TMEM245: variants seen among roughly 807,000 people sequenced by gnomAD.
TMEM245 encodes transmembrane protein 245.
Under a neutral mutation model 101.2 loss-of-function variants are expected in TMEM245, and 69 were observed. The ratio of observed to expected loss-of-function variants is 0.68; its 90% CI spans 0.56 to 0.83. The LOEUF is 0.83. Among genes scored for constraint, TMEM245 ranks in the 40% least tolerant of loss-of-function variants. The pLI is 0.00. For synonymous variants in TMEM245, 537 were observed against 449.8 expected, an observed-to-expected ratio of 1.19 and a Z score of -2.45; for missense variants, 1,075 against 1,092.8, an observed-to-expected ratio of 0.98 and a Z score of 0.23.
Position 109,108,497 on chromosome 9 carries a change from C to G in TMEM245, c.653G>C (p.Arg218Thr). 6.2e-7 allele frequency: 1 copy of G among 1,605,222 alleles called. No homozygotes were observed. The highest frequency in any genetic ancestry group is 1.1e-5 in the South Asian group (1 of 89,544). Residue 218 changes from arginine (R) to threonine (T), a missense_variant, in exon 2 of 18, where the codon AGA becomes ACA. Arg to Thr is a moderately conservative substitution (Grantham distance 71). Around this residue, in one of 2 missense-constraint regions of TMEM245, gnomAD observed 808 missense variants for 741.5 expected, o/e 1.09. Transcript: ENST00000374586. ...AATCCAGACAGGAATTGAAACTGCT[C>G]TCAAGTAGCGTTCAGTGCTTGCATT... ...KWNASTERYL[R>T]AVSIPVWIIL...
intron 14 of TMEM245, among the ~76,000 whole-genome samples, chr9:109,040,813 C>T (rs1354526905): frequency 6.6e-6 from 1 of 152,088 alleles, no homozygotes; most frequent in African/African-American, 2.4e-5. Flanking sequence ...TTATGTAGAT[C>T]TACTACAACT....
At chr9:109,097,084 C>T (rs1338683394) in intron 3 of TMEM245, among the ~76,000 whole-genome samples, 2 of 152,188 alleles carry the variant, frequency 1.3e-5, no homozygotes, top group African/African-American at 4.8e-5. Context: ...GCAGGGAGGT[C>T]TGGGAAGGGT....
At chr9:109,113,789 T>A (rs1240824148) in intron 1 of TMEM245, among the ~76,000 whole-genome samples, 1 of 152,196 alleles carries the variant, frequency 6.6e-6, no homozygotes, top group Non-Finnish European at 1.5e-5. Context: ...AAGCTTTTTT[T>A]AGAGAGAATA....
At chr9:109,081,541 G>T (rs1290821587) in intron 7 of TMEM245, among the ~76,000 whole-genome samples, 1 of 152,130 alleles carries the variant, frequency 6.6e-6, no homozygotes, top group Non-Finnish European at 1.5e-5. Flanking sequence ...TGCCCAAGGA[G>T]CGAGGGGTTG....
chr9:109,022,570 G>A (rs201751902), intron 17 of TMEM245, among the ~76,000 whole-genome samples: 6 of 151,328 alleles, frequency 4.0e-5, no homozygotes, highest in East Asian at 3.9e-4. Context: ...CAGCATCCCC[G>A]GCCTCTATTC....
intron 17 of TMEM245, among the ~76,000 whole-genome samples, chr9:109,023,425 A>G (rs1827693983): frequency 6.6e-6 from 1 of 152,242 alleles, no homozygotes; most frequent in Non-Finnish European, 1.5e-5. Context: ...CTGTATTGAC[A>G]CTATTTTCTG....
At chr9:109,068,056 A>T (rs1018582570) in intron 9 of TMEM245, among the ~76,000 whole-genome samples, 4 of 152,082 alleles carry the variant, frequency 2.6e-5, no homozygotes, top group African/African-American at 9.7e-5. Flanking sequence ...TGAATCACCA[A>T]AGTCTAAGCA....
At chr9:109,096,924 T>A (rs913653549) in intron 3 of TMEM245, among the ~76,000 whole-genome samples, 5 of 152,366 alleles carry the variant, frequency 3.3e-5, no homozygotes, top group African/African-American at 1.2e-4. Flanking sequence ...CATTTCTAAA[T>A]GCCTACTAAG....
chr9:109,025,897 GAGA>G (rs1225762171), intron 17 of TMEM245, among the ~76,000 whole-genome samples: 3 of 152,228 alleles, frequency 2.0e-5, no homozygotes, highest in Admixed American at 2.0e-4. Context: ...GTGAGCAGCA[GAGA>G]AGGTCTTCCT....
Position 109,087,207 on chromosome 9 carries a change from C to A in TMEM245, c.1286G>T (p.Gly429Val), listed in dbSNP as rs1829864797. The A allele has an allele frequency of 6.2e-7, 1 of 1,611,414 alleles. No individual in the cohort carries two copies. Among genetic ancestry groups the A allele is most frequent in the Admixed American group, 1.7e-5 (1 of 59,256 alleles). ...AACTTTTAACAAGAATTTTCCAAGCCCGACAATGGGCCAAGGCGCGAGAGC... is the reference window on the plus strand; with the variant it reads ...AACTTTTAACAAGAATTTTCCAAGCACGACAATGGGCCAAGGCGCGAGAGC... ...QGALAPWPIV[G>V]LGKFLLKVDS... Residue 429 changes from glycine (G) to valine (V), a missense_variant, in exon 6 of 18, where the codon GGG (glycine) becomes GTG (valine). Transcript: ENST00000374586.
chr9:109,071,524 A>C (rs1420835885), intron 9 of TMEM245, among the ~76,000 whole-genome samples: 1 of 151,772 alleles, frequency 6.6e-6, no homozygotes, highest in Non-Finnish European at 1.5e-5. Context: ...GGAATGATTG[A>C]GCCCAGGAGA....
At position 109,119,884 on chromosome 9, in the gene TMEM245, C is replaced by A. The variant is rs750339590; in HGVS notation, c.30G>T (p.Ala10=). The A allele has an allele frequency of 1.5e-6, 2 of 1,300,670 alleles. No homozygotes were observed. Among genetic ancestry groups the A allele is most frequent in the African/African-American group, 1.5e-5 (1 of 64,558 alleles). The allele number at this position is 1,300,670 out of a possible 1,614,324, so 80.6% of individuals were successfully genotyped here. A position where few individuals can be genotyped will look rare whatever the true frequency, so the allele number is the denominator to read the frequency against. The change falls in exon 1 of 18, where the codon GCG becomes GCT. Residue 10 remains alanine (A), a synonymous_variant. Transcript: ENST00000374586. MADGGGPKD[A]PSLRSSPGPA... The stretch of plus-strand genomic sequence containing the variant: ...GCCCGGGAGAGCTCCGCAGGCTTGG[C>A]GCGTCCTTAGGGCCGCCGCCGTCGG...
In TMEM245 at chr9:109,115,043, G is replaced by C. The variant is rs1231493344; in HGVS notation, c.579+4292C>G. 3.9e-5 allele frequency among the ~76,000 whole-genome samples: 6 copies of C among 152,110 alleles called. No homozygotes were observed. The South Asian group carries it at 1.2e-3, about 32-fold the overall frequency. ...AACTGAACTGGAAAGAAAAACTAGT[G>C]ACGAAGAAAAACATAGGTCCAGGCC... On this transcript the variant is annotated intron_variant, in intron 1 of 17. Transcript: ENST00000374586.
intron 8 of TMEM245, 111 bp from the exon 9 acceptor site, chr9:109,073,549 C>A: frequency 1.3e-6 from 1 of 751,762 alleles, no homozygotes; most frequent in African/African-American, 1.7e-5. Context: ...AATAAATACA[C>A]ATCTTTGCTT....
At chr9:109,021,502 TGTTTG>T (rs1564164674) in intron 17 of TMEM245, among the ~76,000 whole-genome samples, 11 of 151,980 alleles carry the variant, frequency 7.2e-5, no homozygotes, top group Non-Finnish European at 1.3e-4. Flanking sequence ...GTTTTTTGTT[TGTTTG>T]TTTGTTTTGT....
intron 17 of TMEM245, among the ~76,000 whole-genome samples, chr9:109,032,365 C>CTTTT (rs755399182): frequency 0.018 from 721 of 40,956 alleles, 254 homozygotes; most frequent in East Asian, 0.035. Flanking sequence ...ATTTCTTTTC[C>CTTTT]TTTTTTTTTT....
In TMEM245 at chr9:109,019,741, A is replaced by G. The variant is rs987128958; in HGVS notation, c.*719T>C. ...ATTTTATCATACTGTTACCATTCAT[A>G]GCAGCTTAATAAGTATTTCACTTCA... On this transcript the variant is annotated 3_prime_UTR_variant, in exon 18 of 18. Transcript: ENST00000374586. 2.0e-5 allele frequency: 3 copies of G among 152,628 alleles called. No individual in the cohort carries two copies. Among genetic ancestry groups the G allele is most frequent in the African/African-American group, 7.2e-5 (3 of 41,448 alleles). The allele number at this position is 152,628 out of a possible 1,614,324, so 9.5% of individuals were successfully genotyped here.
intron 4 of TMEM245, 97 bp downstream of exon 4, chr9:109,093,378 G>T (rs940752394): frequency 2.1e-6 from 2 of 951,214 alleles, no homozygotes; most frequent in East Asian, 2.4e-5. Flanking sequence ...ATCAGCAGGA[G>T]TAAGTAGCAT....
At chr9:109,038,435 A>G in intron 14 of TMEM245, 1 of 189,752 alleles carries the variant, frequency 5.3e-6, no homozygotes, top group African/African-American at 2.3e-5. Context: ...TTCACTCTGA[A>G]GCAGATATTT....
Sources: gnomAD v4.1 joint callset for allele counts (sites outside exome capture counted in the v4.1 genomes callset) on GRCh38, gnomAD v4.1.1 for gene constraint, gnomAD v4.1.1 regional missense constraint, MANE v1.5 for transcripts, NCBI Gene and HGNC (gene_info 2026-07-23, HGNC 2026-07-21) for gene names.